Variants in PREX1 observed in about 807,000 individuals in gnomAD.
PREX1 encodes phosphatidylinositol-3,4,5-trisphosphate dependent Rac exchange factor 1, also known as phosphatidylinositol 3,4,5-trisphosphate-dependent Rac exchanger 1 protein.
In PREX1, 41 loss-of-function variants were observed where a neutral mutation model predicts 198.3. That is an observed-to-expected ratio of 0.21 (90% CI 0.16 to 0.27). The LOEUF is 0.27. PREX1 is among the 10% of genes least tolerant of loss of function. The pLI is 1.00. For synonymous variants in PREX1, 843 were observed against 887.2 expected, an observed-to-expected ratio of 0.95 and a Z score of 0.89; for missense variants, 1,620 against 2,200.7, an observed-to-expected ratio of 0.74 and a Z score of 5.28.
chr20:48,628,642 A>G (rs2089290953), intron 37 of PREX1, among the ~76,000 whole-genome samples: 2 of 152,200 alleles, frequency 1.3e-5, no homozygotes, highest in Admixed American at 6.5e-5. Context: ...GTGTCCAGAC[A>G]TTGCCAAATG....
chr20:48,778,988 C>T (rs968276550), intron 1 of PREX1, among the ~76,000 whole-genome samples: 14 of 151,612 alleles, frequency 9.2e-5, no homozygotes, highest in African/African-American at 1.9e-4. Context: ...AAGCAAGATC[C>T]GTAAAAGAAG....
chr20:48,627,682 G>A (rs2089283702), intron 38 of PREX1, 67 bp from the exon 39 acceptor site: 1 of 1,513,976 alleles, frequency 6.6e-7, no homozygotes, highest in East Asian at 2.3e-5. Flanking sequence ...CACACTGGGG[G>A]GTGGGGGTGG....
intron 27 of PREX1, 78 bp from the exon 28 acceptor site, chr20:48,642,567 G>A (rs965306713): frequency 1.5e-6 from 2 of 1,295,868 alleles, no homozygotes; most frequent in Non-Finnish European, 2.2e-6. Flanking sequence ...CCTAAGAGGG[G>A]GATACAGCTA....
At chr20:48,717,497 TAA>T (rs75263542) in intron 5 of PREX1, among the ~76,000 whole-genome samples, 255 of 139,084 alleles carry the variant, frequency 1.8e-3, no homozygotes, top group South Asian at 2.5e-3. Flanking sequence ...ACCACCACTT[TAA>T]AAAAAAAAAA....
chr20:48,722,659 C>G (rs1051473920), intron 5 of PREX1, among the ~76,000 whole-genome samples: 1 of 152,214 alleles, frequency 6.6e-6, no homozygotes, highest in African/African-American at 2.4e-5. Context: ...CATCTCTCCT[C>G]AGAGGCCCCG....
chr20:48,719,525 C>T (rs1171578163), intron 5 of PREX1, among the ~76,000 whole-genome samples: 2 of 152,144 alleles, frequency 1.3e-5, no homozygotes. Flanking sequence ...ACTTCCTGTG[C>T]TTTCTCAGCA....
chr20:48,696,248 T>C (rs573294838), intron 7 of PREX1, among the ~76,000 whole-genome samples: 1 of 152,384 alleles, frequency 6.6e-6, no homozygotes, highest in East Asian at 1.9e-4. Context: ...TTTAAATCTA[T>C]AATCCAGCTG....
upstream of PREX1, among the ~76,000 whole-genome samples, chr20:48,831,811 A>G (rs2090537589): frequency 6.6e-6 from 1 of 152,242 alleles, no homozygotes; most frequent in African/African-American, 2.4e-5. Context: ...TGATTCAGCC[A>G]TCAGGATTCA....
At chr20:48,887,788 T>C in the PREX1 span, among the ~76,000 whole-genome samples, 1 of 151,816 alleles carries the variant, frequency 6.6e-6, no homozygotes, top group African/African-American at 2.4e-5. Flanking sequence ...CTACTAAAAA[T>C]ACTAAAACAA....
chr20:48,681,113 G>T, intron 11 of PREX1, 122 bp downstream of exon 11: 2 of 855,804 alleles, frequency 2.3e-6, no homozygotes, highest in Non-Finnish European at 3.8e-6. Flanking sequence ...GCCACACTGT[G>T]CCCAGAAAAC....
At chr20:48,630,843 C>G (rs1449494192) in intron 35 of PREX1, 49 bp from the exon 36 acceptor site, 2 of 1,402,708 alleles carry the variant, frequency 1.4e-6, no homozygotes, top group Admixed American at 1.7e-5. Flanking sequence ...ACCCACCATC[C>G]TCCTGCCCCT....
chr20:48,873,463 C>T, the PREX1 span, among the ~76,000 whole-genome samples: 3 of 150,008 alleles, frequency 2.0e-5, no homozygotes, highest in Non-Finnish European at 4.4e-5. Flanking sequence ...AATCCCAGCA[C>T]TTTGGGAGGC....
chr20:48,686,605 C>T lies in PREX1; in HGVS notation c.1334+2052G>A, dbSNP rs573141704. Among the ~76,000 whole-genome samples, 261 of 152,284 alleles carry T rather than the reference C, an allele frequency of 1.7e-3. 1 individual carries two copies. Among genetic ancestry groups the T allele is most frequent in the Non-Finnish European group, 3.2e-3 (220 of 68,012 alleles). On this transcript the variant is annotated intron_variant, in intron 10 of 39. Transcript: ENST00000371941. ...CAGGCCCCTCCTGAGAGAAAAACCT[C>T]CTTTCCTGTGGGATTAGGAGTTGGC...
intron 1 of PREX1, among the ~76,000 whole-genome samples, chr20:48,826,653 A>C (rs1054122513): frequency 6.6e-6 from 1 of 152,200 alleles, no homozygotes; most frequent in African/African-American, 2.4e-5. Context: ...CCAGGAGTCC[A>C]AGACCAGCAT....
At chr20:48,875,107 T>C in the PREX1 span, among the ~76,000 whole-genome samples, 1 of 152,032 alleles carries the variant, frequency 6.6e-6, no homozygotes, top group African/African-American at 2.4e-5. Context: ...TCACATGAAG[T>C]GGGAACAGTG....
the PREX1 span, among the ~76,000 whole-genome samples, chr20:48,858,994 C>T: frequency 9.2e-5 from 14 of 152,092 alleles, no homozygotes; most frequent in Admixed American, 3.9e-4. Context: ...CTCTTTGGCT[C>T]AAGTGATCCT....
intron 1 of PREX1, among the ~76,000 whole-genome samples, chr20:48,795,353 C>A (rs917085526): frequency 1.3e-5 from 2 of 152,166 alleles, no homozygotes; most frequent in Admixed American, 1.3e-4. Context: ...AAGAAGGATG[C>A]TCCTGCAGCA....
intron 1 of PREX1, among the ~76,000 whole-genome samples, chr20:48,783,789 A>C (rs575575413): frequency 3.3e-5 from 5 of 152,268 alleles, no homozygotes; most frequent in African/African-American, 1.2e-4. Flanking sequence ...CCACTTCACC[A>C]CTACCTGTTA....
At chr20:48,785,932 G>A in intron 1 of PREX1, among the ~76,000 whole-genome samples, 1 of 152,218 alleles carries the variant, frequency 6.6e-6, no homozygotes, top group East Asian at 1.9e-4. Context: ...AGCAGGCAAA[G>A]CCACAGGGCA....
Sources: allele counts gnomAD v4.1 joint callset (sites outside exome capture counted in the v4.1 genomes callset), GRCh38; gene constraint gnomAD v4.1.1; transcripts MANE v1.5; gene names NCBI Gene and HGNC (gene_info 2026-07-23, HGNC 2026-07-21).